The following BLOC1S6 variants were observed in gnomAD, a reference collection of about 807,000 sequenced individuals.
BLOC1S6 encodes the protein biogenesis of lysosome-related organelles complex 1 subunit 6.
In BLOC1S6, 24 loss-of-function variants were observed where a neutral mutation model predicts 24.7. The observed-to-expected ratio is 0.97, with a 90% CI of 0.70 to 1.37. The LOEUF (loss-of-function observed/expected upper bound fraction) is 1.37, where lower values mean the gene tolerates loss of function less well. Among genes scored for constraint, BLOC1S6 ranks in the 40% most tolerant of loss-of-function variants. The probability of loss-of-function intolerance (pLI) is 0.00; values close to 1 mark genes in which losing one functional copy is unlikely to be tolerated. For synonymous variants in BLOC1S6, 76 were observed against 72.6 expected (o/e 1.05, Z -0.23); for missense variants, 175 against 196.2 (o/e 0.89, Z 0.64).
At chr15:45,601,230 A>G (rs745696870) in intron 2 of BLOC1S6, 8 of 154,424 alleles carry the variant, frequency 5.2e-5, no homozygotes, top group African/African-American at 1.7e-4. Context: ...TTGTGATGAT[A>G]TAGCACAGCT....
At chr15:45,587,230 G>C, upstream of BLOC1S6, 1 of 616,008 alleles carries the variant, frequency 1.6e-6, no homozygotes, top group South Asian at 1.8e-5. Context: ...CACTGCGTCC[G>C]GGGCCAGACG....
At position 45,606,722 on chromosome 15, in the gene BLOC1S6, T is replaced by A; in HGVS notation, c.*208T>A. 1.7e-6 allele frequency: 1 copy of A among 602,906 alleles called. No individual in the cohort carries two copies. Among genetic ancestry groups the A allele is most frequent in the Non-Finnish European group, 2.8e-6 (1 of 363,604 alleles). 37.3% of individuals were successfully genotyped at this position (602,906 alleles called of 1,614,324 possible). A position where few individuals can be genotyped will look rare whatever the true frequency, so the allele number is the denominator to read the frequency against. ...ATTTATATGTAAGTTTTTCAAATTT[T>A]GCTTAATTTTAAAATTTATTATTTT... On this transcript the variant is annotated 3_prime_UTR_variant, in exon 5 of 5. Transcript: ENST00000220531.
intron 2 of BLOC1S6, among the ~76,000 whole-genome samples, chr15:45,596,426 A>G (rs530015941): frequency 6.8e-6 from 1 of 147,580 alleles, no homozygotes; most frequent in South Asian, 2.2e-4. Context: ...TTGAATTCCT[A>G]GGCTCAAGTG....
At chr15:45,592,415 A>T (rs1429679374) in intron 2 of BLOC1S6, 139 bp downstream of exon 2, 4 of 1,053,476 alleles carry the variant, frequency 3.8e-6, no homozygotes, top group Non-Finnish European at 5.6e-6. Context: ...TATTGATAGC[A>T]GATGGGAATA....
intron 1 of BLOC1S6, among the ~76,000 whole-genome samples, chr15:45,588,536 C>T (rs1893771619): frequency 6.6e-6 from 1 of 152,126 alleles, no homozygotes; most frequent in African/African-American, 2.4e-5. Context: ...TATACAATTC[C>T]ATCTCCTTGT....
At chr15:45,591,857 T>G in intron 1 of BLOC1S6, 1 of 395,688 alleles carries the variant, frequency 2.5e-6, no homozygotes, top group Non-Finnish European at 4.6e-6. Context: ...AGGTAAAAGT[T>G]TAAAAAGAAA....
intron 1 of BLOC1S6, among the ~76,000 whole-genome samples, chr15:45,591,613 A>G (rs1029843354): frequency 2.0e-5 from 3 of 151,944 alleles, no homozygotes; most frequent in African/African-American, 7.3e-5. Flanking sequence ...GGGCTTGAGC[A>G]ATTCTCCCAC....
chr15:45,587,801 G>A, intron 1 of BLOC1S6: 2 of 701,026 alleles, frequency 2.9e-6, no homozygotes, highest in Non-Finnish European at 2.6e-6. Flanking sequence ...ACTCCGGTAC[G>A]TCATTGGTTA....
chr15:45,591,938 T>A (rs1476952198), intron 1 of BLOC1S6, 197 bp from the exon 2 acceptor site: 9 of 597,316 alleles, frequency 1.5e-5, no homozygotes, highest in Non-Finnish European at 2.6e-5. Flanking sequence ...TTCTACCTGC[T>A]ACTCCCCAAC....
chr15:45,593,572 T>C (rs1200903654), intron 2 of BLOC1S6, among the ~76,000 whole-genome samples: 1 of 152,104 alleles, frequency 6.6e-6, no homozygotes, highest in African/African-American at 2.4e-5. Flanking sequence ...TGAGGTGTGA[T>C]AGATGGAAGG....
Position 45,587,400 on chromosome 15 carries a change from G to C in BLOC1S6, c.-44G>C. The stretch of plus-strand genomic sequence containing the variant: ...CGTTAGGTGCCGCCTTGCTTCTGAC[G>C]AGCCACACGTTTGCTTCTTCCCTGT... On this transcript the variant is annotated 5_prime_UTR_variant, in exon 1 of 5. Transcript: ENST00000220531. The C allele has an allele frequency of 6.6e-7, 1 of 1,526,652 alleles. No individual in the cohort carries two copies. The highest frequency in any genetic ancestry group is 1.4e-5 in the African/African-American group (1 of 72,746). 94.6% of individuals were successfully genotyped at this position (1,526,652 alleles called of 1,614,324 possible).
intron 1 of BLOC1S6, among the ~76,000 whole-genome samples, chr15:45,589,169 C>T (rs1015835872): frequency 1.3e-5 from 2 of 152,058 alleles, no homozygotes; most frequent in South Asian, 2.1e-4. Flanking sequence ...TTCTATTCTG[C>T]TAAAAATAAT....
At chr15:45,594,872 A>T (rs1399932383) in intron 2 of BLOC1S6, among the ~76,000 whole-genome samples, 1 of 152,166 alleles carries the variant, frequency 6.6e-6, no homozygotes, top group African/African-American at 2.4e-5. Context: ...GGTGTGAGCC[A>T]CTGTGCCCAG....
At position 45,592,660 on chromosome 15, in the gene BLOC1S6, C is replaced by G. The variant is rs555333715; in HGVS notation, c.224+384C>G. On this transcript the variant is annotated intron_variant, in intron 2 of 4. Coordinates refer to ENST00000220531, the MANE Select transcript of BLOC1S6 (RefSeq NM_012388.4). The stretch of plus-strand genomic sequence containing the variant: ...TCACGCTTGTTTTCAGTTGCTGGTT[C>G]AAATAAGTTGCCAGAGATCTGTAAG... Among the ~76,000 whole-genome samples the G allele has an allele frequency of 3.9e-5, 6 of 152,260 alleles. No homozygotes were observed. In the East Asian group the frequency reaches 1.2e-3, roughly 29 times the overall value.
chr15:45,587,437 G>A lies in BLOC1S6; in HGVS notation c.-7G>A. 6.4e-7 allele frequency: 1 copy of A among 1,572,982 alleles called. No individual in the cohort carries two copies. The highest frequency in any genetic ancestry group is 8.6e-7 in the Non-Finnish European group (1 of 1,158,068). On this transcript the variant is annotated 5_prime_UTR_variant, in exon 1 of 5. Coordinates refer to ENST00000220531, the MANE Select transcript of BLOC1S6 (RefSeq NM_012388.4). ...TGCTTCTTCCCTGTGTTCCCAGCTG[G>A]AGGGACATGAGTGTCCCTGGGCCGT...
chr15:45,606,361 C>T (rs1894459444), intron 4 of BLOC1S6, 34 bp from the exon 5 acceptor site: 1 of 1,611,444 alleles, frequency 6.2e-7, no homozygotes, highest in Non-Finnish European at 8.5e-7. Flanking sequence ...CCCCTGATTG[C>T]TCTCTTGGTT....
At chr15:45,594,493 C>T (rs1893995464) in intron 2 of BLOC1S6, among the ~76,000 whole-genome samples, 1 of 152,122 alleles carries the variant, frequency 6.6e-6, no homozygotes, top group African/African-American at 2.4e-5. Flanking sequence ...ATTAAGGCTT[C>T]ACAAACATTG....
intron 1 of BLOC1S6, among the ~76,000 whole-genome samples, chr15:45,590,404 C>A (rs186070197): frequency 1.4e-5 from 2 of 144,998 alleles, no homozygotes; most frequent in East Asian, 3.9e-4. Context: ...TTGTTTTCCT[C>A]AATCTTTTTT....
chr15:45,595,167 C>A (rs1332716964), intron 2 of BLOC1S6, among the ~76,000 whole-genome samples: 1 of 152,134 alleles, frequency 6.6e-6, no homozygotes, highest in Non-Finnish European at 1.5e-5. Flanking sequence ...CAGAGTGAGA[C>A]CCTATCTCAA....
Sources: gnomAD v4.1 joint callset for allele counts (sites outside exome capture counted in the v4.1 genomes callset) on GRCh38, gnomAD v4.1.1 for gene constraint, MANE v1.5 for transcripts, NCBI Gene and HGNC (gene_info 2026-07-23, HGNC 2026-07-21) for gene names.